The following CWC27 variants were observed in gnomAD, a reference collection of about 807,000 sequenced individuals.
CWC27 encodes the protein spliceosome-associated protein CWC27 homolog.
In CWC27, 47 loss-of-function variants were observed where a neutral mutation model predicts 63.6. That is an observed-to-expected ratio of 0.74 (90% CI 0.58 to 0.94). The LOEUF (loss-of-function observed/expected upper bound fraction) is 0.94. Ranked by LOEUF, CWC27 falls within the 40% of genes least tolerant of loss-of-function variation. The pLI, the probability that CWC27 is intolerant of heterozygous loss-of-function variation, is 0.00. For synonymous variants in CWC27, 175 were observed against 179.8 expected, an observed-to-expected ratio of 0.97 and a Z score of 0.22; for missense variants, 495 against 554.3, an observed-to-expected ratio of 0.89 and a Z score of 1.07.
chr5:64,851,696 A>T (rs111981563), intron 10 of CWC27, among the ~76,000 whole-genome samples: 3 of 152,356 alleles, frequency 2.0e-5, no homozygotes, highest in African/African-American at 7.2e-5. Context: ...TTACAATTTT[A>T]AAAAATACTA....
chr5:65,006,630 C>T (rs1478306136), intron 13 of CWC27, among the ~76,000 whole-genome samples: 1 of 151,674 alleles, frequency 6.6e-6, no homozygotes, highest in African/African-American at 2.4e-5. Flanking sequence ...ATTTTATAAA[C>T]CTAATATAAT....
chr5:64,941,951 T>C (rs1748491004), intron 11 of CWC27, among the ~76,000 whole-genome samples: 1 of 151,898 alleles, frequency 6.6e-6, no homozygotes, highest in Admixed American at 6.6e-5. Flanking sequence ...TGTACAAAAA[T>C]CACCAATTAT....
At chr5:64,896,790 A>G (rs1471538188) in intron 11 of CWC27, among the ~76,000 whole-genome samples, 1 of 152,228 alleles carries the variant, frequency 6.6e-6, no homozygotes, top group East Asian at 1.9e-4. Flanking sequence ...GAGAAATAAA[A>G]TGCAGCTGTA....
Position 64,885,454 on chromosome 5 carries a change from G to A in CWC27, c.950G>A (p.Arg317Lys). ...KKSVSRSEEL[R>K]KEARQLKREL... ...TTTTTGCTTTATAGTGAAGAGCTCA[G>A]AAAAGAAGCAAGACAATTAAAACGG... Residue 317 changes from arginine to lysine, a missense_variant, in exon 11 of 14, where the codon AGA (arginine) becomes AAA (lysine). Transcript: ENST00000381070. 1.2e-6 allele frequency: 2 copies of A among 1,606,208 alleles called. No homozygotes were observed. Among genetic ancestry groups the A allele is most frequent in the Non-Finnish European group, 1.7e-6 (2 of 1,176,316 alleles).
intron 13 of CWC27, among the ~76,000 whole-genome samples, chr5:65,000,722 A>G (rs933186540): frequency 2.0e-5 from 3 of 152,096 alleles, no homozygotes; most frequent in African/African-American, 7.2e-5. Flanking sequence ...TCTTTTGGTC[A>G]CTATAACTTT....
At chr5:64,935,166 G>T (rs1748320595) in intron 11 of CWC27, among the ~76,000 whole-genome samples, 1 of 152,194 alleles carries the variant, frequency 6.6e-6, no homozygotes, top group African/African-American at 2.4e-5. Context: ...TTTTAGTCAT[G>T]AAGTCTTTGC....
intron 13 of CWC27, among the ~76,000 whole-genome samples, chr5:65,017,483 C>A (rs939092497): frequency 1.3e-5 from 2 of 152,152 alleles, no homozygotes; most frequent in Non-Finnish European, 2.9e-5. Context: ...TCTCAGGATT[C>A]CAGCATATGC....
chr5:64,821,705 G>T (rs1463870014), intron 10 of CWC27, among the ~76,000 whole-genome samples: 1 of 152,164 alleles, frequency 6.6e-6, no homozygotes, highest in African/African-American at 2.4e-5. Flanking sequence ...GGGGAAGAAT[G>T]GTGAAGTTAG....
chr5:65,006,690 T>G (rs530283229), intron 13 of CWC27, among the ~76,000 whole-genome samples: 1 of 152,090 alleles, frequency 6.6e-6, no homozygotes, highest in Non-Finnish European at 1.5e-5. Flanking sequence ...CAAACAAATA[T>G]AGCCACAAAA....
chr5:64,954,916 G>A (rs1352538717), intron 11 of CWC27, among the ~76,000 whole-genome samples: 2 of 151,818 alleles, frequency 1.3e-5, no homozygotes, highest in Non-Finnish European at 2.9e-5. Context: ...GATAAGCAGT[G>A]CTACATTTGA....
chr5:64,968,674 C>G (rs1302602934), intron 11 of CWC27, among the ~76,000 whole-genome samples: 1 of 152,086 alleles, frequency 6.6e-6, no homozygotes, highest in African/African-American at 2.4e-5. Context: ...ATCGCTGATG[C>G]CTCATTGCCA....
At chr5:64,793,297 A>T (rs984269149) in intron 7 of CWC27, among the ~76,000 whole-genome samples, 9 of 152,148 alleles carry the variant, frequency 5.9e-5, no homozygotes, top group Admixed American at 1.3e-4. Flanking sequence ...AGAATCAAAA[A>T]AGTTAAAATC....
intron 13 of CWC27, among the ~76,000 whole-genome samples, chr5:65,002,965 C>T (rs1038319989): frequency 1.3e-5 from 2 of 152,118 alleles, no homozygotes; most frequent in African/African-American, 4.8e-5. Flanking sequence ...TGTCTGGGTG[C>T]TCGAATGTTG....
At position 64,769,178 on chromosome 5, in the gene CWC27, C is replaced by G. The variant is rs529010023; in HGVS notation, c.32C>G (p.Thr11Arg). 2 of 1,614,040 alleles carry G rather than the reference C, an allele frequency of 1.2e-6. No homozygotes were observed. Among genetic ancestry groups the G allele is most frequent in the East Asian group, 2.2e-5 (1 of 44,862 alleles). MSNIYIQEPPTNGKVLLKTTA... is the reference protein window; with the variant it reads MSNIYIQEPPRNGKVLLKTTA... ...AACATCTACATCCAGGAGCCTCCCACGAATGGGAAGGTGAGAGCCTCATCT... is the reference window on the plus strand; with the variant it reads ...AACATCTACATCCAGGAGCCTCCCAGGAATGGGAAGGTGAGAGCCTCATCT... The change falls in exon 1 of 14, where the codon ACG becomes AGG. Residue 11 changes from threonine to arginine, a missense_variant. Physicochemically the swap from Thr to Arg is moderately conservative, Grantham distance 71 (BLOSUM62 -1). Transcript: ENST00000381070.
chr5:64,857,644 AAGATC>A (rs754770795), intron 10 of CWC27, among the ~76,000 whole-genome samples: 8 of 152,222 alleles, frequency 5.3e-5, no homozygotes, highest in Non-Finnish European at 7.3e-5. Context: ...AGAATAGTGG[AAGATC>A]AGATCAGAAG....
intron 10 of CWC27, among the ~76,000 whole-genome samples, chr5:64,865,460 T>C (rs1223816447): frequency 6.6e-6 from 1 of 152,064 alleles, no homozygotes; most frequent in Non-Finnish European, 1.5e-5. Flanking sequence ...ATTCATGATA[T>C]AGCATAGGAT....
In CWC27 at chr5:65,018,614, G is replaced by C; in HGVS notation, c.*293G>C. On this transcript the variant is annotated 3_prime_UTR_variant, in exon 14 of 14. Coordinates refer to ENST00000381070, the MANE Select transcript of CWC27 (RefSeq NM_005869.4). ...ACCATTGCAGACTGCAAGCCTGTTT[G>C]TGTCCTTTTACCCTAAAATATATGA... 1 of 189,332 alleles carries C rather than the reference G, an allele frequency of 5.3e-6. No homozygotes were observed. Among genetic ancestry groups the C allele is most frequent in the Non-Finnish European group, 1.1e-5 (1 of 92,586 alleles). The allele number at this position is 189,332 out of a possible 1,614,324, so 11.7% of individuals were successfully genotyped here.
intron 10 of CWC27, among the ~76,000 whole-genome samples, chr5:64,847,129 T>C (rs1337102108): frequency 1.3e-5 from 2 of 152,074 alleles, no homozygotes; most frequent in Non-Finnish European, 2.9e-5. Context: ...GACTTAGCTA[T>C]ATACTGTATA....
intron 11 of CWC27, among the ~76,000 whole-genome samples, chr5:64,961,422 C>A (rs1179676747): frequency 6.6e-6 from 1 of 152,010 alleles, no homozygotes; most frequent in Admixed American, 6.6e-5. Flanking sequence ...ATATATATCT[C>A]CTATTTTTAT....
Sources: gnomAD v4.1 joint callset for allele counts (sites outside exome capture counted in the v4.1 genomes callset) on GRCh38, gnomAD v4.1.1 for gene constraint, MANE v1.5 for transcripts, NCBI Gene and HGNC (gene_info 2026-07-23, HGNC 2026-07-21) for gene names.